The following ERICH5 variants were observed in gnomAD, a reference collection of about 807,000 sequenced individuals.
ERICH5 encodes the protein glutamate-rich protein 5.
ERICH5 carries 24 observed loss-of-function variants against 28.0 expected under a neutral mutation model. The observed-to-expected ratio is 0.86, with a 90% CI of 0.62 to 1.21. ERICH5 has a LOEUF of 1.21. Among genes scored for constraint, ERICH5 ranks in the 50% most tolerant of loss-of-function variants. The pLI, the probability that ERICH5 is intolerant of heterozygous loss-of-function variation, is 0.00. For missense variants in ERICH5, 421 were observed against 441.2 expected, an observed-to-expected ratio of 0.95 and a Z score of 0.41; for synonymous variants, 163 against 157.6, an observed-to-expected ratio of 1.03 and a Z score of -0.25.
intron 1 of ERICH5, among the ~76,000 whole-genome samples, chr8:98,085,712 T>G (rs963836254): frequency 2.6e-5 from 4 of 152,158 alleles, no homozygotes; most frequent in African/African-American, 4.8e-5. Flanking sequence ...AAATCTAAAC[T>G]CTTTAGCACC....
chr8:98,089,554 A>G lies in ERICH5; in HGVS notation c.537A>G (p.Pro179=), dbSNP rs1467572609. ...SLRAVEVTEN[P]QTAAEMKPLG... is the part of the protein sequence containing the mutation. ...GAGCAGTGGAGGTCACTGAGAATCC[A>G]CAAACTGCTGCAGAGATGAAGCCTC... Residue 179 remains proline (P), a synonymous_variant, in exon 2 of 3, where the codon CCA becomes CCG. Coordinates refer to ENST00000318528, the MANE Select transcript of ERICH5 (RefSeq NM_173549.3). The G allele has an allele frequency of 1.2e-6, 2 of 1,614,206 alleles. No individual in the cohort carries two copies. The highest frequency in any genetic ancestry group is 1.7e-6 in the Non-Finnish European group (2 of 1,180,044).
In ERICH5 at chr8:98,089,501, C is replaced by T; in HGVS notation, c.484C>T (p.Gln162Ter). The change falls in exon 2 of 3, where the codon CAG becomes TAG. Residue 162 changes from glutamine (Q) to a stop codon, truncating the protein, a stop_gained. Coordinates refer to ENST00000318528, the MANE Select transcript of ERICH5 (RefSeq NM_173549.3). LOFTEE classifies it high-confidence loss of function. ...LGPEAKGQPL[Q>*]AAVEKDSLRA... ...ACCAGAAGCCAAGGGTCAGCCTTTGCAGGCAGCAGTAGAGAAGGACTCTCT... is the reference window on the plus strand; with the variant it reads ...ACCAGAAGCCAAGGGTCAGCCTTTGTAGGCAGCAGTAGAGAAGGACTCTCT... The T allele has an allele frequency of 6.2e-7, 1 of 1,614,150 alleles. No homozygotes were observed. The highest frequency in any genetic ancestry group is 8.5e-7 in the Non-Finnish European group (1 of 1,180,020).
rs141530415 is a variant in ERICH5 at position 98,076,328 on chromosome 8, A to G, written c.58+11601A>G. Among the ~76,000 whole-genome samples the G allele has an allele frequency of 4.6e-4, 70 of 151,852 alleles. 1 individual carries two copies. In the East Asian group the frequency reaches 0.013, roughly 28 times the overall value. Reference sequence around the variant, plus strand: ...CTTGGCCTCCCAAAGTGCTGGGATTACAGGCATGAGCCACCGTGCCCAGCC... The same window carrying G: ...CTTGGCCTCCCAAAGTGCTGGGATTGCAGGCATGAGCCACCGTGCCCAGCC... On this transcript the variant is annotated intron_variant, in intron 1 of 2. Transcript: ENST00000318528.
intron 2 of ERICH5, among the ~76,000 whole-genome samples, chr8:98,091,207 A>C (rs1205078513): frequency 6.6e-6 from 1 of 152,184 alleles, no homozygotes; most frequent in Non-Finnish European, 1.5e-5. Flanking sequence ...AAGTGCCGGG[A>C]TTACAGGCAT....
chr8:98,090,579 A>G (rs1815366121), intron 2 of ERICH5, among the ~76,000 whole-genome samples: 3 of 151,440 alleles, frequency 2.0e-5, no homozygotes. Flanking sequence ...CCTGGGCAAC[A>G]TAGTGAGACC....
At chr8:98,081,838 G>A (rs996119123) in intron 1 of ERICH5, among the ~76,000 whole-genome samples, 3 of 152,102 alleles carry the variant, frequency 2.0e-5, no homozygotes, top group Non-Finnish European at 4.4e-5. Context: ...GGAGGCAGGA[G>A]AATTGCTTGT....
rs1000360422 is a variant in ERICH5, at chr8:98,065,131, C to A, written c.58+404C>A. 6.6e-5 allele frequency among the ~76,000 whole-genome samples: 10 copies of A among 152,344 alleles called. No homozygotes were observed. In the South Asian group the frequency reaches 1.9e-3, roughly 28 times the overall value. On this transcript the variant is annotated intron_variant, in intron 1 of 2. Transcript: ENST00000318528. ...GGGGGCGGTGGCTGACGACTGCAAT[C>A]TCAGCACTTTGGGAGGCTGAGGCGG...
At position 98,082,876 on chromosome 8, in the gene ERICH5, C is replaced by T. The variant is rs1385834074; in HGVS notation, c.59-6200C>T. Among the ~76,000 whole-genome samples the T allele has an allele frequency of 5.3e-5, 8 of 151,806 alleles. No individual in the cohort carries two copies. In the South Asian group the frequency reaches 6.2e-4, roughly 12 times the overall value. ...ACGGATTGAGACCCTGTCTCAACAACGACAATAAAAGAATGAAAGTGAATG... is the reference window on the plus strand; with the variant it reads ...ACGGATTGAGACCCTGTCTCAACAATGACAATAAAAGAATGAAAGTGAATG... On this transcript the variant is annotated intron_variant, in intron 1 of 2. Transcript: ENST00000318528.
At chr8:98,081,939 A>G (rs1174182541) in intron 1 of ERICH5, among the ~76,000 whole-genome samples, 1 of 152,086 alleles carries the variant, frequency 6.6e-6, no homozygotes, top group African/African-American at 2.4e-5. Context: ...AAAAAAAAAA[A>G]AAAATTCCCC....
At chr8:98,065,912 G>A (rs188075805) in intron 1 of ERICH5, among the ~76,000 whole-genome samples, 2 of 152,292 alleles carry the variant, frequency 1.3e-5, no homozygotes, top group Admixed American at 1.3e-4. Context: ...AAGCTCAGCC[G>A]CTGTGTCCTA....
intron 1 of ERICH5, among the ~76,000 whole-genome samples, chr8:98,083,282 C>T (rs528736419): frequency 6.6e-6 from 1 of 152,296 alleles, no homozygotes; most frequent in South Asian, 2.1e-4. Flanking sequence ...AACACATTTC[C>T]TGGTTTATTC....
chr8:98,068,109 G>A (rs956865663), intron 1 of ERICH5, among the ~76,000 whole-genome samples: 11 of 151,874 alleles, frequency 7.2e-5, no homozygotes, highest in African/African-American at 2.4e-4. Context: ...CTCCCACCTC[G>A]GCCTCCCAAA....
chr8:98,075,387 A>G (rs1586200443), intron 1 of ERICH5, among the ~76,000 whole-genome samples: 1 of 152,210 alleles, frequency 6.6e-6, no homozygotes, highest in East Asian at 1.9e-4. Flanking sequence ...TGTTTACACC[A>G]GGAGGCTTAA....
rs1030221072 is a variant in ERICH5, at chr8:98,067,413, G to C, written c.58+2686G>C. Among the ~76,000 whole-genome samples the C allele has an allele frequency of 5.3e-5, 8 of 150,836 alleles. 1 individual carries two copies. Among genetic ancestry groups the C allele is most frequent in the Admixed American group, 2.0e-4 (3 of 15,126 alleles). ...TTCAAGGCTGCAGTGAAGTATGATT[G>C]AGCCATTGCACTTCAGTCTGGGCAA... On this transcript the variant is annotated intron_variant, in intron 1 of 2. Transcript: ENST00000318528.
chr8:98,074,518 C>T (rs545613812), intron 1 of ERICH5, among the ~76,000 whole-genome samples: 5 of 150,756 alleles, frequency 3.3e-5, no homozygotes, highest in Admixed American at 3.3e-4. Flanking sequence ...CCTGCCTCTG[C>T]CTCCCGAGTA....
In ERICH5 at chr8:98,072,973, C is replaced by T. The variant is rs191114934; in HGVS notation, c.58+8246C>T. ...TTTTGCTAATTTCCTTTACTTAGTA[C>T]TTAATCTAAAGGTATAGCACCTGTA... On this transcript the variant is annotated intron_variant, in intron 1 of 2. Coordinates refer to ENST00000318528, the MANE Select transcript of ERICH5 (RefSeq NM_173549.3). Among the ~76,000 whole-genome samples, 293 of 152,170 alleles carry T rather than the reference C, an allele frequency of 1.9e-3. 2 individuals are homozygous for T. Among genetic ancestry groups the T allele is most frequent in the African/African-American group, 6.7e-3 (280 of 41,510 alleles).
At chr8:98,077,289 A>T (rs1292464681) in intron 1 of ERICH5, among the ~76,000 whole-genome samples, 1 of 152,142 alleles carries the variant, frequency 6.6e-6, no homozygotes, top group Non-Finnish European at 1.5e-5. Flanking sequence ...GGGTTGGTGA[A>T]GTGTCATTAT....
At chr8:98,071,277 CA>C (rs200398660) in intron 1 of ERICH5, among the ~76,000 whole-genome samples, 10 of 149,806 alleles carry the variant, frequency 6.7e-5, no homozygotes, top group African/African-American at 2.5e-4. Flanking sequence ...AACTCCCTCT[CA>C]AAAAAAAAGA....
chr8:98,064,769 T>A, intron 1 of ERICH5, 42 bp downstream of exon 1: 1 of 1,505,808 alleles, frequency 6.6e-7, no homozygotes, highest in Non-Finnish European at 8.9e-7. Context: ...GGCTGGGGAC[T>A]CGGGTGGGCT....
Sources: gnomAD v4.1 joint callset for allele counts (sites outside exome capture counted in the v4.1 genomes callset) on GRCh38, gnomAD v4.1.1 for gene constraint, MANE v1.5 for transcripts, NCBI Gene and HGNC (gene_info 2026-07-23, HGNC 2026-07-21) for gene names.